The following CCDC63 variants were observed in gnomAD, a reference collection of about 807,000 sequenced individuals.
CCDC63 encodes coiled-coil domain containing 63, also known as coiled-coil domain-containing protein 63.
CCDC63 carries 54 observed loss-of-function variants against 63.6 expected under a neutral mutation model. The observed-to-expected ratio is 0.85, with a 90% CI of 0.68 to 1.07. The LOEUF (loss-of-function observed/expected upper bound fraction) is 1.07, where lower values mean the gene tolerates loss of function less well. CCDC63 is among the 50% of genes least tolerant of loss of function. The probability of loss-of-function intolerance (pLI) is 0.00; values close to 1 mark genes in which losing one functional copy is unlikely to be tolerated. For synonymous variants in CCDC63, 253 were observed against 266.1 expected (o/e 0.95, Z 0.48); for missense variants, 637 against 689.6 (o/e 0.92, Z 0.86).
At position 110,893,097 on chromosome 12, in the gene CCDC63, T is replaced by C. The variant is rs1183098509; in HGVS notation, c.1096T>C (p.Ser366Pro). 8 of 1,614,096 alleles carry C rather than the reference T, an allele frequency of 5.0e-6. No individual in the cohort carries two copies. Among genetic ancestry groups the C allele is most frequent in the Non-Finnish European group, 5.9e-6 (7 of 1,180,002 alleles). Residue 366 changes from serine to proline, a missense_variant, in exon 9 of 12, where the codon TCC becomes CCC. Ser to Pro is a moderately conservative substitution (Grantham distance 74). Coordinates refer to ENST00000308208, the MANE Select transcript of CCDC63 (RefSeq NM_152591.3). ...RIQDEIILLR[S>P]QQKLSHDDNH... ...GCAGGACGAGATCATCCTCTTGCGA[T>C]CCCAGCAGAAATTGTCCCACGATGA...
chr12:110,886,031 G>A (rs567451705), intron 8 of CCDC63, among the ~76,000 whole-genome samples: 22 of 152,214 alleles, frequency 1.4e-4, no homozygotes, highest in Non-Finnish European at 2.8e-4. Context: ...CCATGTGGCT[G>A]CAAAAAATGG....
intron 1 of CCDC63, among the ~76,000 whole-genome samples, chr12:110,848,349 T>C (rs531598179): frequency 1.3e-5 from 2 of 152,230 alleles, no homozygotes; most frequent in East Asian, 3.9e-4. Context: ...ATCCAGGAGA[T>C]GCTCTGCAGG....
Position 110,904,657 on chromosome 12 carries a change from G to C in CCDC63, c.1412G>C (p.Gly471Ala). The change falls in exon 11 of 12, where the codon GGG (glycine) becomes GCG (alanine). Residue 471 changes from glycine to alanine, a missense_variant. Coordinates refer to ENST00000308208, the MANE Select transcript of CCDC63 (RefSeq NM_152591.3). The stretch of plus-strand genomic sequence containing the variant: ...TACAGGCGCATCCTGGAAGTGGAAG[G>C]GGCAGAGGCTGAGATCCCGCCACCC... ...ETYRRILEVEGAEAEIPPPFI... is the reference protein window; with the variant it reads ...ETYRRILEVEAAEAEIPPPFI... 1 of 1,613,934 alleles carries C rather than the reference G, an allele frequency of 6.2e-7. No homozygotes were observed.
At chr12:110,897,782 G>T (rs2071433007) in intron 9 of CCDC63, among the ~76,000 whole-genome samples, 1 of 148,664 alleles carries the variant, frequency 6.7e-6, no homozygotes, top group South Asian at 2.1e-4. Flanking sequence ...ACCCAGGCTG[G>T]AGTGCAGTGG....
rs754834020 is a variant in CCDC63, at chr12:110,907,469, C to T, written c.1685C>T (p.Thr562Ile). The change falls in exon 12 of 12, where the codon ACC becomes ATC. Residue 562 changes from threonine (T) to isoleucine (I), a missense_variant. Coordinates refer to ENST00000308208, the MANE Select transcript of CCDC63 (RefSeq NM_152591.3). This position sits in a 1 kb window ranked among gnomAD's most constrained non-coding sequence, Gnocchi z 4.4. ...GACTTCAGATCCAGGAAGAAAGTAA[C>T]CATGTGAGGTGCATGCATGGGGCCA... The part of the protein sequence containing the change: ...VDDFRSRKKV[T>I]M The T allele has an allele frequency of 6.2e-7, 1 of 1,614,166 alleles. No individual in the cohort carries two copies. Among genetic ancestry groups the T allele is most frequent in the Non-Finnish European group, 8.5e-7 (1 of 1,180,016 alleles).
At chr12:110,859,251 G>A (rs1011979384) in intron 4 of CCDC63, among the ~76,000 whole-genome samples, 1 of 148,230 alleles carries the variant, frequency 6.7e-6, no homozygotes, top group African/African-American at 2.7e-5. Flanking sequence ...GGGAAAGAAA[G>A]AGTTCTAGAG....
intron 3 of CCDC63, among the ~76,000 whole-genome samples, chr12:110,858,146 AT>A (rs2070801382): frequency 7.5e-5 from 11 of 147,144 alleles, no homozygotes; most frequent in South Asian, 2.2e-4. Context: ...ATAAAATAAA[AT>A]AAAATAAAAT....
intron 7 of CCDC63, among the ~76,000 whole-genome samples, chr12:110,883,042 T>TA (rs1366620223): frequency 4.0e-5 from 6 of 151,258 alleles, no homozygotes; most frequent in African/African-American, 1.5e-4. Context: ...TTAAATTTTT[T>TA]TTTTTTTTTT....
intron 7 of CCDC63, among the ~76,000 whole-genome samples, chr12:110,882,624 T>C (rs753936825): frequency 6.6e-6 from 1 of 151,964 alleles, no homozygotes; most frequent in Non-Finnish European, 1.5e-5. Flanking sequence ...CCCCAAATTC[T>C]TACTGGGGGC....
At chr12:110,880,987 C>A (rs372114972) in intron 6 of CCDC63, 128 bp from the exon 7 acceptor site, 2 of 814,840 alleles carry the variant, frequency 2.5e-6, no homozygotes, top group Non-Finnish European at 3.6e-6. Context: ...TTTTACACAC[C>A]GAGAAACCTT....
chr12:110,854,759 G>A (rs921311584), intron 3 of CCDC63, among the ~76,000 whole-genome samples: 7 of 152,120 alleles, frequency 4.6e-5, no homozygotes. Flanking sequence ...AAATCTTACT[G>A]TTAGATGAGA....
chr12:110,869,164 T>C (rs1205032976), intron 4 of CCDC63, among the ~76,000 whole-genome samples: 1 of 152,188 alleles, frequency 6.6e-6, no homozygotes. Flanking sequence ...GGGCCCCTGA[T>C]TCCCAGCTGG....
chr12:110,867,136 C>CA (rs1213125966), intron 4 of CCDC63, among the ~76,000 whole-genome samples: 1 of 142,266 alleles, frequency 7.0e-6, no homozygotes, highest in African/African-American at 2.6e-5. Flanking sequence ...TGACCCCCCC[C>CA]ACCTCCCTCC....
upstream of CCDC63, chr12:110,845,976 A>G (rs1035703155): frequency 5.9e-5 from 9 of 151,514 alleles, no homozygotes; most frequent in African/African-American, 1.2e-4. Flanking sequence ...AAAAAAAAAA[A>G]AAAAAGAAAT....
chr12:110,868,043 C>T (rs2070999542), intron 4 of CCDC63, among the ~76,000 whole-genome samples: 1 of 149,430 alleles, frequency 6.7e-6, no homozygotes, highest in African/African-American at 2.5e-5. Context: ...ACGCTCCTCA[C>T]CTCCCAGACG....
chr12:110,893,036 G>A (rs781135218), intron 8 of CCDC63, 40 bp from the exon 9 acceptor site: 5 of 1,540,992 alleles, frequency 3.2e-6, no homozygotes, highest in South Asian at 1.1e-5. Context: ...GGGGAGGGAA[G>A]AGCCCACTTT....
At chr12:110,895,375 A>G (rs750725202) in intron 9 of CCDC63, among the ~76,000 whole-genome samples, 1 of 152,240 alleles carries the variant, frequency 6.6e-6, no homozygotes, top group African/African-American at 2.4e-5. Context: ...TTGGCCTCCC[A>G]AAGTGCTGGG....
Position 110,889,844 on chromosome 12 carries a change from G to C in CCDC63, c.1075-3232G>C, listed in dbSNP as rs1010365858. Among the ~76,000 whole-genome samples the C allele has an allele frequency of 6.6e-6, 1 of 151,600 alleles. No homozygotes were observed. The highest frequency in any genetic ancestry group is 1.5e-5 in the Non-Finnish European group (1 of 67,958). Reference sequence around the variant, plus strand: ...ACCCCACCCCTGCCCTGTAAAGATCGGAAGACTCACTTCCTTTCTTTTTTC... The same window carrying C: ...ACCCCACCCCTGCCCTGTAAAGATCCGAAGACTCACTTCCTTTCTTTTTTC... On this transcript the variant is annotated intron_variant, in intron 8 of 11. Transcript: ENST00000308208. The surrounding 1 kb of genome is among the most constrained non-coding windows in gnomAD (Gnocchi z 4.1).
At chr12:110,888,088 C>T (rs2071307569) in intron 8 of CCDC63, among the ~76,000 whole-genome samples, 2 of 152,326 alleles carry the variant, frequency 1.3e-5, no homozygotes, top group Non-Finnish European at 2.9e-5. Context: ...GCCATCGGCT[C>T]CCTCTTCGCT....
Sources: gnomAD v4.1 joint callset for allele counts (sites outside exome capture counted in the v4.1 genomes callset) on GRCh38, gnomAD v4.1.1 for gene constraint, Gnocchi (gnomAD v3.1) non-coding constraint, MANE v1.5 for transcripts, NCBI Gene and HGNC (gene_info 2026-07-23, HGNC 2026-07-21) for gene names.